Variants in SEMA3A observed in about 807,000 individuals in gnomAD.
SEMA3A encodes semaphorin 3A, also known as semaphorin-3A.
A neutral mutation model predicts 97.9 loss-of-function variants in SEMA3A; 29 were observed. That is an observed-to-expected ratio of 0.30 (90% CI 0.22 to 0.40). The LOEUF is 0.40. SEMA3A is among the 10% of genes least tolerant of loss of function. The probability of loss-of-function intolerance (pLI) is 1.00; values close to 1 mark genes in which losing one functional copy is unlikely to be tolerated. For missense variants in SEMA3A, 763 were observed against 951.3 expected (o/e 0.80, Z 2.60); for synonymous variants, 321 against 323.7 (o/e 0.99, Z 0.09).
chr7:84,417,244 T>C (rs1003493393), intron 1 of SEMA3A, among the ~76,000 whole-genome samples: 4 of 152,088 alleles, frequency 2.6e-5, no homozygotes, highest in African/African-American at 9.6e-5. Flanking sequence ...CACTACAAAA[T>C]GTAAATGTAA....
chr7:83,957,640 T>C lies in SEMA3A; in HGVS notation c.*3731A>G, dbSNP rs1788322080. 1 of 152,092 alleles carries C rather than the reference T, an allele frequency of 6.6e-6. No homozygotes were observed. Among genetic ancestry groups the C allele is most frequent in the Middle Eastern group, 3.2e-3 (1 of 316 alleles). 9.4% of individuals were successfully genotyped at this position (152,092 alleles called of 1,614,324 possible). On this transcript the variant is annotated 3_prime_UTR_variant, in exon 17 of 17. Transcript: ENST00000265362. ...TTAGATATTTTCTTAATTTATTAAC[T>C]TGAAAAATTATGTTCATTTAATTAA...
At chr7:84,304,472 T>A (rs1192410759) in intron 3 of SEMA3A, among the ~76,000 whole-genome samples, 3 of 152,022 alleles carry the variant, frequency 2.0e-5, no homozygotes, top group Admixed American at 2.0e-4. Context: ...ACTCAATCAT[T>A]AAAAAAGTAG....
chr7:84,303,438 C>T (rs1801074006), intron 3 of SEMA3A, among the ~76,000 whole-genome samples: 1 of 151,434 alleles, frequency 6.6e-6, no homozygotes, highest in South Asian at 2.1e-4. Context: ...GGTTAGAAAA[C>T]AGACTGAGAT....
intron 1 of SEMA3A, among the ~76,000 whole-genome samples, chr7:84,423,239 A>C (rs955056875): frequency 1.4e-4 from 21 of 150,966 alleles, no homozygotes; most frequent in African/African-American, 2.2e-4. Context: ...GATTTGCAAT[A>C]TTAGACTCTA....
chr7:84,470,213 C>A (rs1053377605), intron 1 of SEMA3A, among the ~76,000 whole-genome samples: 2 of 151,930 alleles, frequency 1.3e-5, no homozygotes, highest in African/African-American at 4.8e-5. Flanking sequence ...AATTTGTAAA[C>A]CCTCTTTTGT....
chr7:84,108,775 TG>T (rs1316486092), intron 4 of SEMA3A, among the ~76,000 whole-genome samples: 10 of 151,824 alleles, frequency 6.6e-5, no homozygotes, highest in African/African-American at 2.4e-4. Flanking sequence ...CATGTCGGCT[TG>T]CACCTGTAAT....
At chr7:84,220,700 T>C (rs1798856275) in intron 3 of SEMA3A, among the ~76,000 whole-genome samples, 1 of 152,140 alleles carries the variant, frequency 6.6e-6, no homozygotes, top group African/African-American at 2.4e-5. Context: ...AATAATATGC[T>C]GAAAGGAATC....
intron 2 of SEMA3A, among the ~76,000 whole-genome samples, chr7:84,364,104 A>AT (rs202125370): frequency 2.4e-4 from 36 of 151,656 alleles, no homozygotes; most frequent in African/African-American, 7.7e-4. Context: ...CATATGATTT[A>AT]TTATAGTTGT....
chr7:84,186,691 G>T (rs1797897062), intron 1 of SEMA3A, among the ~76,000 whole-genome samples: 1 of 151,668 alleles, frequency 6.6e-6, no homozygotes, highest in South Asian at 2.1e-4. Flanking sequence ...TAACAATGCT[G>T]CTAGTAGTTG....
intron 1 of SEMA3A, among the ~76,000 whole-genome samples, chr7:84,484,732 G>A (rs908622635): frequency 2.0e-5 from 3 of 151,946 alleles, no homozygotes; most frequent in African/African-American, 4.8e-5. Flanking sequence ...TCCAAAGAAC[G>A]GCATTACTTA....
At chr7:84,410,325 G>T (rs910904913) in intron 1 of SEMA3A, among the ~76,000 whole-genome samples, 2 of 151,792 alleles carry the variant, frequency 1.3e-5, no homozygotes, top group African/African-American at 4.8e-5. Flanking sequence ...TCATCAGGGG[G>T]TCATTTTCTT....
chr7:84,019,419 G>A (rs1016265540), intron 6 of SEMA3A, among the ~76,000 whole-genome samples: 4 of 151,868 alleles, frequency 2.6e-5, no homozygotes, highest in African/African-American at 9.7e-5. Context: ...ACTAAGACCT[G>A]GAGAAAGGTG....
At chr7:84,480,103 G>A (rs1431202878) in intron 1 of SEMA3A, among the ~76,000 whole-genome samples, 1 of 152,190 alleles carries the variant, frequency 6.6e-6, no homozygotes, top group Non-Finnish European at 1.5e-5. Context: ...CAAGATTAAT[G>A]TTCATTTCTA....
At chr7:84,479,489 C>T (rs1003749435) in intron 1 of SEMA3A, among the ~76,000 whole-genome samples, 2 of 151,962 alleles carry the variant, frequency 1.3e-5, no homozygotes, top group Non-Finnish European at 2.9e-5. Flanking sequence ...CATCATGGCC[C>T]CTGTGTTAAA....
Position 84,134,938 on chromosome 7 carries a change from G to A in SEMA3A, c.126C>T (p.Ser42=), listed in dbSNP as rs1396457773. ...AGCCATTGAAAGTGATCACATTGTT[G>A]GATTCCAACATTTCTGCAAGGTAAC... ...LKLSYKEMLE[S]NNVITFNGLA... Residue 42 remains serine (S), a synonymous_variant, in exon 2 of 17, where the codon TCC becomes TCT. Coordinates refer to ENST00000265362, the MANE Select transcript of SEMA3A (RefSeq NM_006080.3). The A allele has an allele frequency of 2.5e-6, 4 of 1,612,228 alleles. No individual in the cohort carries two copies. In the East Asian group the frequency reaches 8.9e-5, roughly 36 times the overall value.
At chr7:83,967,014 A>G (rs957232087) in intron 15 of SEMA3A, among the ~76,000 whole-genome samples, 1 of 152,108 alleles carries the variant, frequency 6.6e-6, no homozygotes, top group Non-Finnish European at 1.5e-5. Context: ...CCCGGCCAAA[A>G]GTAAATTTTT....
intron 1 of SEMA3A, among the ~76,000 whole-genome samples, chr7:84,168,334 G>A (rs568646120): frequency 2.1e-4 from 32 of 151,884 alleles, no homozygotes; most frequent in Non-Finnish European, 3.4e-4. Context: ...TTTATGATGC[G>A]TTAATAAACT....
intron 2 of SEMA3A, among the ~76,000 whole-genome samples, chr7:84,317,505 T>G (rs1801538130): frequency 1.3e-5 from 2 of 152,200 alleles, no homozygotes; most frequent in South Asian, 4.1e-4. Flanking sequence ...CTTCTTTTTA[T>G]ATTTTAACTT....
At chr7:84,448,391 G>C (rs1327492968) in intron 1 of SEMA3A, among the ~76,000 whole-genome samples, 1 of 152,060 alleles carries the variant, frequency 6.6e-6, no homozygotes, top group East Asian at 1.9e-4. Flanking sequence ...ATATATATAG[G>C]AAATGCTAAA....
Sources: allele counts gnomAD v4.1 joint callset (sites outside exome capture counted in the v4.1 genomes callset), GRCh38; gene constraint gnomAD v4.1.1; transcripts MANE v1.5; gene names NCBI Gene and HGNC (gene_info 2026-07-23, HGNC 2026-07-21).